The following CSMD1 variants were observed in gnomAD, a reference collection of about 807,000 sequenced individuals.
CSMD1 encodes CUB and sushi domain-containing protein 1.
CSMD1 carries 213 observed loss-of-function variants against 417.5 expected under a neutral mutation model. The observed-to-expected ratio is 0.51, with a 90% CI of 0.46 to 0.57. The LOEUF is 0.57. Among genes scored for constraint, CSMD1 ranks in the 20% least tolerant of loss-of-function variants. The pLI is 0.00. For missense variants in CSMD1, 6,923 were observed against 4,529.7 expected (o/e 1.53, Z -15.17); for synonymous variants, 2,862 against 1,736.8 (o/e 1.65, Z -16.11).
At chr8:4,287,493 C>G (rs1387413832) in intron 3 of CSMD1, among the ~76,000 whole-genome samples, 2 of 151,992 alleles carry the variant, frequency 1.3e-5, no homozygotes, top group East Asian at 1.9e-4. Flanking sequence ...ACTTTACATT[C>G]TAAGACTTAA....
rs905702844 is a variant in CSMD1 at position 3,157,773 on chromosome 8, T to G, written c.5914+124A>C. The G allele has an allele frequency of 4.1e-6, 3 of 735,734 alleles. No individual in the cohort carries two copies. The African/African-American group carries it at 5.3e-5, about 13-fold the overall frequency. The allele number at this position is 735,734 out of a possible 1,614,324, so 45.6% of individuals were successfully genotyped here. A position where few individuals can be genotyped will look rare whatever the true frequency, so the allele number is the denominator to read the frequency against. On this transcript the variant is annotated intron_variant, in intron 39 of 69. Coordinates refer to ENST00000635120, the MANE Select transcript of CSMD1 (RefSeq NM_033225.6). ...TCTGCTCTACTGCATTATGTGCTATTAGTATATAACACGTGTTTTGAAATT... is the reference window on the plus strand; with the variant it reads ...TCTGCTCTACTGCATTATGTGCTATGAGTATATAACACGTGTTTTGAAATT...
chr8:4,603,583 G>A (rs562823175), intron 2 of CSMD1, among the ~76,000 whole-genome samples: 1 of 152,082 alleles, frequency 6.6e-6, no homozygotes, highest in Admixed American at 6.6e-5. Context: ...ATTTCATTTA[G>A]CTAGCTTTGC....
chr8:4,241,746 C>G (rs978327844), intron 3 of CSMD1, among the ~76,000 whole-genome samples: 1 of 150,146 alleles, frequency 6.7e-6, no homozygotes, highest in African/African-American at 2.5e-5. Flanking sequence ...CTCTGTCGCC[C>G]AGGCTGGAGT....
chr8:3,558,376 A>AAT (rs1563152267), intron 10 of CSMD1, among the ~76,000 whole-genome samples: 41 of 138,858 alleles, frequency 3.0e-4, no homozygotes, highest in Non-Finnish European at 4.1e-4. Flanking sequence ...ATGGTGCCTC[A>AAT]GTAGTACCCC....
intron 3 of CSMD1, among the ~76,000 whole-genome samples, chr8:4,254,481 T>C (rs905176011): frequency 7.9e-5 from 12 of 152,294 alleles, no homozygotes; most frequent in Admixed American, 3.3e-4. Context: ...CATAATGTTG[T>C]AGTGCAATTA....
intron 33 of CSMD1, among the ~76,000 whole-genome samples, chr8:3,194,392 G>T (rs933704385): frequency 1.4e-5 from 2 of 138,796 alleles, no homozygotes; most frequent in South Asian, 4.5e-4. Flanking sequence ...TTATTTTCAG[G>T]AGACCATCTG....
chr8:3,967,288 C>A (rs1812741878), intron 5 of CSMD1, among the ~76,000 whole-genome samples: 1 of 152,040 alleles, frequency 6.6e-6, no homozygotes, highest in African/African-American at 2.4e-5. Flanking sequence ...TGTTCTTGTT[C>A]CCTTTGTTCC....
At chr8:3,437,726 C>A (rs937204303) in intron 12 of CSMD1, among the ~76,000 whole-genome samples, 3 of 151,408 alleles carry the variant, frequency 2.0e-5, no homozygotes, top group African/African-American at 4.9e-5. Flanking sequence ...ACCAAAGCCA[C>A]TATAGATGCA....
At chr8:3,585,789 T>G (rs961649067) in intron 9 of CSMD1, among the ~76,000 whole-genome samples, 7 of 152,188 alleles carry the variant, frequency 4.6e-5, no homozygotes, top group African/African-American at 1.4e-4. Context: ...TTTTTAGGTT[T>G]GCGGGGTGCA....
chr8:3,534,135 A>G (rs1798093205), intron 10 of CSMD1, among the ~76,000 whole-genome samples: 1 of 152,198 alleles, frequency 6.6e-6, no homozygotes, highest in Non-Finnish European at 1.5e-5. Context: ...ACTCATATGC[A>G]CTGTGAAATA....
At chr8:3,757,759 G>T (rs1160737697) in intron 5 of CSMD1, among the ~76,000 whole-genome samples, 1 of 151,932 alleles carries the variant, frequency 6.6e-6, no homozygotes. Flanking sequence ...TGAGGCAAGA[G>T]AATTGCTTGA....
At chr8:4,529,974 G>C (rs1479215482) in intron 2 of CSMD1, among the ~76,000 whole-genome samples, 1 of 151,772 alleles carries the variant, frequency 6.6e-6, no homozygotes, top group Non-Finnish European at 1.5e-5. Flanking sequence ...GAGTGCAGTG[G>C]CGAGATCCCG....
intron 6 of CSMD1, among the ~76,000 whole-genome samples, chr8:3,712,970 C>G (rs149094580): frequency 6.6e-6 from 1 of 152,106 alleles, no homozygotes; most frequent in East Asian, 1.9e-4. Context: ...TTGTGTGCTT[C>G]AAAGGTGCTG....
intron 26 of CSMD1, among the ~76,000 whole-genome samples, chr8:3,274,567 C>T (rs559325667): frequency 9.9e-5 from 15 of 152,140 alleles, no homozygotes; most frequent in African/African-American, 3.4e-4. Context: ...GAGTCTAAGT[C>T]TCTTTGTAGG....
Position 3,679,311 on chromosome 8 carries a change from A to G in CSMD1, c.1009+29103T>C, listed in dbSNP as rs531528790. Reference sequence around the variant, plus strand: ...ACCCATCTCATGTGCAGAGACACACATAGGCTCAAAATAAAGGGATGGAGG... The same window carrying G: ...ACCCATCTCATGTGCAGAGACACACGTAGGCTCAAAATAAAGGGATGGAGG... On this transcript the variant is annotated intron_variant, in intron 7 of 69. Coordinates refer to ENST00000635120, the MANE Select transcript of CSMD1 (RefSeq NM_033225.6). Among the ~76,000 whole-genome samples, 187 of 152,316 alleles carry G rather than the reference A, an allele frequency of 1.2e-3. 1 individual carries two copies. Among genetic ancestry groups the G allele is most frequent in the African/African-American group, 3.3e-3 (138 of 41,574 alleles).
intron 5 of CSMD1, among the ~76,000 whole-genome samples, chr8:3,781,215 T>TA (rs1043369172): frequency 1.3e-5 from 2 of 152,122 alleles, no homozygotes; most frequent in Admixed American, 6.5e-5. Flanking sequence ...GAGCAAAATT[T>TA]AAAAAATTGC....
chr8:4,109,011 C>T (rs562655750), intron 3 of CSMD1, among the ~76,000 whole-genome samples: 1 of 152,266 alleles, frequency 6.6e-6, no homozygotes, highest in East Asian at 1.9e-4. Flanking sequence ...GTTTCAGGAC[C>T]TCCATGGATA....
chr8:3,096,703 C>A (rs2129010817), intron 47 of CSMD1, 146 bp downstream of exon 47: 2 of 611,788 alleles, frequency 3.3e-6, no homozygotes, highest in East Asian at 5.7e-5. Flanking sequence ...AATGCATAAC[C>A]CCAAACTAGT....
chr8:4,285,057 A>G (rs541900096), intron 3 of CSMD1, among the ~76,000 whole-genome samples: 1 of 152,306 alleles, frequency 6.6e-6, no homozygotes, highest in East Asian at 1.9e-4. Flanking sequence ...GCATAACACA[A>G]TAGTCAGAAT....
Sources: allele counts gnomAD v4.1 joint callset (sites outside exome capture counted in the v4.1 genomes callset), GRCh38; gene constraint gnomAD v4.1.1; transcripts MANE v1.5; gene names NCBI Gene and HGNC (gene_info 2026-07-23, HGNC 2026-07-21).